The following AMOTL1 variants were observed in gnomAD, a reference collection of about 807,000 sequenced individuals.
AMOTL1 encodes the protein angiomotin-like protein 1.
A neutral mutation model predicts 102.9 loss-of-function variants in AMOTL1; 45 were observed. The observed-to-expected ratio is 0.44, with a 90% CI of 0.34 to 0.56. The LOEUF is 0.56. AMOTL1 is among the 20% of genes least tolerant of loss of function. The pLI is 0.01. For synonymous variants in AMOTL1, 481 were observed against 484.7 expected (o/e 0.99, Z 0.10); for missense variants, 1,114 against 1,225.6 (o/e 0.91, Z 1.36).
At chr11:94,823,644 G>C (rs976950029) in intron 4 of AMOTL1, among the ~76,000 whole-genome samples, 5 of 151,770 alleles carry the variant, frequency 3.3e-5, no homozygotes, top group Non-Finnish European at 5.9e-5. Context: ...TCCCATGGCT[G>C]TTTCTGAAGA....
At chr11:94,813,303 A>G (rs1951713646) in intron 3 of AMOTL1, among the ~76,000 whole-genome samples, 2 of 152,188 alleles carry the variant, frequency 1.3e-5, no homozygotes, top group Admixed American at 1.3e-4. Context: ...TAACAGAATA[A>G]TTAGCCTCAG....
Position 94,790,933 on chromosome 11 carries a change from A to G in AMOTL1, c.50-4078A>G, listed in dbSNP as rs1000319588. ...CTGTTGCTCCTCTTGCCTCCCCCAG[A>G]CAACTCACTTCATTCACCTTAATTC... is the stretch of plus-strand genomic sequence containing the variant. On this transcript the variant is annotated intron_variant, in intron 1 of 12. Transcript: ENST00000433060. Among the ~76,000 whole-genome samples, 4 of 152,144 alleles carry G rather than the reference A, an allele frequency of 2.6e-5. No homozygotes were observed. The East Asian group carries it at 7.7e-4, about 29-fold the overall frequency.
intron 3 of AMOTL1, among the ~76,000 whole-genome samples, chr11:94,755,137 A>G (rs1207634600): frequency 1.3e-5 from 2 of 152,174 alleles, no homozygotes; most frequent in African/African-American, 4.8e-5. Context: ...TAGAAAATGG[A>G]TGCTTGAAAT....
Position 94,799,242 on chromosome 11 carries a change from A to C in AMOTL1, c.200-148A>C. 1 of 699,404 alleles carries C rather than the reference A, an allele frequency of 1.4e-6. No homozygotes were observed. Among genetic ancestry groups the C allele is most frequent in the Non-Finnish European group, 2.3e-6 (1 of 429,188 alleles). 43.3% of individuals were successfully genotyped at this position (699,404 alleles called of 1,614,324 possible). On this transcript the variant is annotated intron_variant, in intron 2 of 12. Transcript: ENST00000433060. This position sits in a 1 kb window ranked among gnomAD's most constrained non-coding sequence, Gnocchi z 4.5. ...ATTGGAGAAGAAAATTCCATGAGAC[A>C]TTGCCAGGTAAATGGAGGTGATGAT...
chr11:94,803,666 A>G (rs1951519428), intron 3 of AMOTL1, among the ~76,000 whole-genome samples: 1 of 152,238 alleles, frequency 6.6e-6, no homozygotes, highest in Non-Finnish European at 1.5e-5. Context: ...GACCACTTCT[A>G]GAAGTAGTGA....
Position 94,821,817 on chromosome 11 carries a change from A to G in AMOTL1, c.1409A>G (p.His470Arg). 1.2e-6 allele frequency: 2 copies of G among 1,613,616 alleles called. No homozygotes were observed. The highest frequency in any genetic ancestry group is 1.7e-6 in the Non-Finnish European group (2 of 1,179,574). ...QGYYDNADKL[H>R]KFEKELQRIS... is the part of the protein sequence containing the mutation. ...TACTACGACAATGCCGACAAGCTCC[A>G]CAAGGTGCGTGACTTCCCTGGGGAA... The change falls in exon 4 of 13, where the codon CAC (histidine) becomes CGC (arginine). Residue 470 changes from histidine (H) to arginine (R), a missense_variant. His to Arg is a conservative substitution (Grantham distance 29, BLOSUM62 0). Transcript: ENST00000433060.
chr11:94,748,435 G>A (rs1346105436), intron 3 of AMOTL1, among the ~76,000 whole-genome samples: 2 of 152,152 alleles, frequency 1.3e-5, no homozygotes, highest in Non-Finnish European at 2.9e-5. Flanking sequence ...GCAGTTCCAG[G>A]AAGACTGGGA....
intron 2 of AMOTL1, among the ~76,000 whole-genome samples, chr11:94,797,514 A>C (rs188764879): frequency 6.6e-6 from 1 of 152,236 alleles, no homozygotes; most frequent in African/African-American, 2.4e-5. Flanking sequence ...TCTTGTATAA[A>C]TAAATAATTG....
chr11:94,770,066 C>T (rs1950923301), intron 1 of AMOTL1, among the ~76,000 whole-genome samples: 1 of 152,164 alleles, frequency 6.6e-6, no homozygotes, highest in South Asian at 2.1e-4. Context: ...TCATGGCTCC[C>T]TGCTTCCAAA....
intron 3 of AMOTL1, among the ~76,000 whole-genome samples, chr11:94,757,041 C>T (rs1950734594): frequency 3.1e-5 from 4 of 129,042 alleles, no homozygotes; most frequent in Admixed American, 8.2e-5. Context: ...AATATTTTTC[C>T]TATTTGTTGG....
At chr11:94,749,098 C>G (rs569700655) in intron 3 of AMOTL1, among the ~76,000 whole-genome samples, 37 of 152,142 alleles carry the variant, frequency 2.4e-4, no homozygotes, top group Non-Finnish European at 4.7e-4. Flanking sequence ...TGAGAAGTCC[C>G]GTGACAGGCT....
intron 3 of AMOTL1, among the ~76,000 whole-genome samples, chr11:94,744,835 A>G (rs1950571461): frequency 6.6e-6 from 1 of 152,230 alleles, no homozygotes; most frequent in African/African-American, 2.4e-5. Flanking sequence ...TAAAGCACAC[A>G]TAACAGAACC....
chr11:94,717,070 G>A (rs1950109916), intron 1 of AMOTL1, among the ~76,000 whole-genome samples: 1 of 151,950 alleles, frequency 6.6e-6, no homozygotes, highest in South Asian at 2.1e-4. Context: ...AGCCTCCCTG[G>A]TGCTCAGCAT....
At chr11:94,753,655 G>A (rs1950685490) in intron 3 of AMOTL1, among the ~76,000 whole-genome samples, 1 of 152,046 alleles carries the variant, frequency 6.6e-6, no homozygotes, top group African/African-American at 2.4e-5. Flanking sequence ...GTAGGGCCAG[G>A]GCTTAAACCC....
chr11:94,847,597 A>G (rs746218223), intron 6 of AMOTL1, among the ~76,000 whole-genome samples: 3 of 152,232 alleles, frequency 2.0e-5, no homozygotes, highest in Non-Finnish European at 2.9e-5. Context: ...GCTGAGGCAC[A>G]GAGAGGTTAA....
chr11:94,741,833 A>G (rs1950531844), intron 3 of AMOTL1, among the ~76,000 whole-genome samples: 1 of 152,180 alleles, frequency 6.6e-6, no homozygotes, highest in Non-Finnish European at 1.5e-5. Context: ...CTAAGATGAA[A>G]TGAAAGGATT....
In AMOTL1 at chr11:94,871,026, T is replaced by C. The variant is rs77309754; in HGVS notation, c.*231T>C. The C allele has an allele frequency of 0.017, 7,125 of 409,210 alleles. 125 individuals are homozygous for C. The highest frequency in any genetic ancestry group is 0.051 in the African/African-American group (2,579 of 50,178). 25.3% of individuals were successfully genotyped at this position (409,210 alleles called of 1,614,324 possible). A position where few individuals can be genotyped will look rare whatever the true frequency, so the allele number is the denominator to read the frequency against. On this transcript the variant is annotated 3_prime_UTR_variant, in exon 13 of 13. Transcript: ENST00000433060. ...CACATGGTGGAAGAGAGAAGAGGCG[T>C]GTAGGTTTGCAAACAAAGTTAAGAA...
intron 1 of AMOTL1, among the ~76,000 whole-genome samples, chr11:94,793,235 A>G (rs1333508026): frequency 1.3e-5 from 2 of 152,166 alleles, no homozygotes; most frequent in Admixed American, 6.5e-5. Flanking sequence ...AGAAAACATC[A>G]CACTTTCTTT....
chr11:94,824,353 T>A (rs952100627), intron 4 of AMOTL1, among the ~76,000 whole-genome samples: 1 of 152,236 alleles, frequency 6.6e-6, no homozygotes, highest in Non-Finnish European at 1.5e-5. Context: ...GGGGGCCTGC[T>A]ATGTGTCATT....
Sources: gnomAD v4.1 joint callset for allele counts (sites outside exome capture counted in the v4.1 genomes callset) on GRCh38, gnomAD v4.1.1 for gene constraint, Gnocchi (gnomAD v3.1) non-coding constraint, MANE v1.5 for transcripts, NCBI Gene and HGNC (gene_info 2026-07-23, HGNC 2026-07-21) for gene names.